The following PDE8A variants were observed in gnomAD, a reference collection of about 807,000 sequenced individuals.
The protein encoded by PDE8A is phosphodiesterase 8A.
Under a neutral mutation model 105.0 loss-of-function variants are expected in PDE8A, and 59 were observed. The observed-to-expected ratio is 0.56, with a 90% CI of 0.46 to 0.70. PDE8A has a LOEUF of 0.70. Among genes scored for constraint, PDE8A ranks in the 30% least tolerant of loss-of-function variants. The pLI is 0.00. For missense variants in PDE8A, 1,014 were observed against 1,045.9 expected, an observed-to-expected ratio of 0.97 and a Z score of 0.42; for synonymous variants, 355 against 371.9, an observed-to-expected ratio of 0.95 and a Z score of 0.52.
At chr15:85,087,906 A>G (rs1435630889) in intron 6 of PDE8A, among the ~76,000 whole-genome samples, 1 of 152,144 alleles carries the variant, frequency 6.6e-6, no homozygotes, top group Non-Finnish European at 1.5e-5. Context: ...TTTCTATAAA[A>G]TAGAATGTTG....
At chr15:85,024,215 G>C (rs145745183) in intron 1 of PDE8A, among the ~76,000 whole-genome samples, 1 of 149,176 alleles carries the variant, frequency 6.7e-6, no homozygotes, top group African/African-American at 2.4e-5. Context: ...AACTTAGCAG[G>C]TATCATACCA....
chr15:85,036,943 A>G (rs542722274), intron 1 of PDE8A, among the ~76,000 whole-genome samples: 1 of 152,200 alleles, frequency 6.6e-6, no homozygotes, highest in South Asian at 2.1e-4. Flanking sequence ...AGTGAGGGAG[A>G]TAGAACAGTC....
At chr15:85,074,544 T>TA (rs2081355731) in intron 3 of PDE8A, among the ~76,000 whole-genome samples, 1 of 151,998 alleles carries the variant, frequency 6.6e-6, no homozygotes, top group Non-Finnish European at 1.5e-5. Flanking sequence ...CTACAAAAAA[T>TA]AAAAAAATTA....
At chr15:85,129,505 G>T (rs915226263) in intron 20 of PDE8A, among the ~76,000 whole-genome samples, 1 of 152,156 alleles carries the variant, frequency 6.6e-6, no homozygotes, top group African/African-American at 2.4e-5. Flanking sequence ...TTGGCATTCA[G>T]TTGTTCATGG....
chr15:85,004,198 A>G (rs922028750), intron 1 of PDE8A, among the ~76,000 whole-genome samples: 1 of 152,160 alleles, frequency 6.6e-6, no homozygotes, highest in Non-Finnish European at 1.5e-5. Flanking sequence ...TTTGCCATGC[A>G]TAATAGTTGT....
At chr15:85,038,343 G>T (rs2080744685) in intron 1 of PDE8A, among the ~76,000 whole-genome samples, 1 of 151,874 alleles carries the variant, frequency 6.6e-6, no homozygotes, top group Non-Finnish European at 1.5e-5. Context: ...CAACTTCGTG[G>T]CTTACTTTTT....
chr15:85,108,507 C>G (rs886178917), intron 11 of PDE8A, among the ~76,000 whole-genome samples: 1 of 151,998 alleles, frequency 6.6e-6, no homozygotes, highest in African/African-American at 2.4e-5. Context: ...AAGACAGTCC[C>G]CGTTTGAAGC....
At chr15:85,077,976 A>C (rs1023696231) in intron 5 of PDE8A, among the ~76,000 whole-genome samples, 3 of 152,048 alleles carry the variant, frequency 2.0e-5, no homozygotes, top group Non-Finnish European at 4.4e-5. Context: ...AGTTGTGTAT[A>C]TGTAACTGGA....
Position 85,100,059 on chromosome 15 carries a change from A to G in PDE8A, c.986A>G (p.Asn329Ser). The G allele has an allele frequency of 6.2e-7, 1 of 1,613,832 alleles. No individual in the cohort carries two copies. The highest frequency in any genetic ancestry group is 8.5e-7 in the Non-Finnish European group (1 of 1,179,820). The change falls in exon 10 of 22, where the codon AAC becomes AGC. Residue 329 changes from asparagine (N) to serine (S), a missense_variant. Physicochemically the swap from Asn to Ser is conservative, Grantham distance 46 (BLOSUM62 1). Transcript: ENST00000394553. Reference protein sequence around the residue: ...YVSIIRVCNGNNKAEKISECV... With the variant: ...YVSIIRVCNGSNKAEKISECV... ...TCCATTATCAGAGTGTGCAATGGCA[A>G]CAATAAGGTACGTAAGGAGAGCCCC...
chr15:85,023,390 T>C (rs1413559482), intron 1 of PDE8A, among the ~76,000 whole-genome samples: 1 of 151,830 alleles, frequency 6.6e-6, no homozygotes, highest in Non-Finnish European at 1.5e-5. Context: ...AATAATTGGG[T>C]TGGTTGGGGA....
chr15:85,056,433 A>ATT (rs1169114334), intron 1 of PDE8A, among the ~76,000 whole-genome samples: 2 of 152,076 alleles, frequency 1.3e-5, no homozygotes, highest in Non-Finnish European at 2.9e-5. Context: ...CTCCCCATCA[A>ATT]TTTCAGGTAC....
chr15:85,002,796 G>A (rs975171273), intron 1 of PDE8A, among the ~76,000 whole-genome samples: 7 of 152,122 alleles, frequency 4.6e-5, no homozygotes, highest in African/African-American at 9.7e-5. Flanking sequence ...CATAAACTCC[G>A]GTGTTGTGGA....
At chr15:85,099,114 C>T (rs2081812635) in intron 9 of PDE8A, among the ~76,000 whole-genome samples, 4 of 152,126 alleles carry the variant, frequency 2.6e-5, no homozygotes, top group African/African-American at 7.2e-5. Flanking sequence ...TTGTAGTAAC[C>T]GCTGTTGTTT....
intron 1 of PDE8A, among the ~76,000 whole-genome samples, chr15:84,991,952 A>T (rs2079892191): frequency 1.3e-5 from 2 of 152,228 alleles, no homozygotes; most frequent in Non-Finnish European, 2.9e-5. Flanking sequence ...GTTTGAGATC[A>T]GCCTGGACAA....
chr15:85,060,668 C>T (rs562169485), intron 1 of PDE8A, among the ~76,000 whole-genome samples: 46 of 152,234 alleles, frequency 3.0e-4, no homozygotes, highest in Admixed American at 9.8e-4. Context: ...AAAGCGTACA[C>T]TAATACTTTC....
intron 1 of PDE8A, among the ~76,000 whole-genome samples, chr15:84,999,614 C>T (rs887834740): frequency 6.6e-6 from 1 of 150,872 alleles, no homozygotes; most frequent in Non-Finnish European, 1.5e-5. Flanking sequence ...CTCGCTCTGT[C>T]GCCAGGCTGG....
chr15:84,996,317 A>G (rs1481736250), intron 1 of PDE8A, among the ~76,000 whole-genome samples: 3 of 151,972 alleles, frequency 2.0e-5, no homozygotes, highest in Non-Finnish European at 2.9e-5. Context: ...AGCTGGGGCT[A>G]TAGATGTATG....
chr15:85,002,494 C>G (rs2080083140), intron 1 of PDE8A, among the ~76,000 whole-genome samples: 2 of 152,226 alleles, frequency 1.3e-5, no homozygotes, highest in African/African-American at 4.8e-5. Flanking sequence ...TGTTCACCAA[C>G]CTGGATGGTC....
At chr15:85,116,322 G>T in intron 16 of PDE8A, 2 of 550,616 alleles carry the variant, frequency 3.6e-6, no homozygotes, top group Non-Finnish European at 6.5e-6. Context: ...CACATTCATG[G>T]AAAGCATGCA....
Sources: gnomAD v4.1 joint callset for allele counts (sites outside exome capture counted in the v4.1 genomes callset) on GRCh38, gnomAD v4.1.1 for gene constraint, MANE v1.5 for transcripts, NCBI Gene and HGNC (gene_info 2026-07-23, HGNC 2026-07-21) for gene names.